RPTOR: variants seen among roughly 807,000 people sequenced by gnomAD.
RPTOR encodes regulatory associated protein of MTOR complex 1.
A neutral mutation model predicts 169.9 loss-of-function variants in RPTOR; 21 were observed. The observed-to-expected ratio is 0.12, with a 90% CI of 0.09 to 0.18. RPTOR has a LOEUF of 0.18. Among genes scored for constraint, RPTOR ranks in the 10% least tolerant of loss-of-function variants. The probability of loss-of-function intolerance (pLI) is 1.00; values close to 1 mark genes in which losing one functional copy is unlikely to be tolerated. For synonymous variants in RPTOR, 732 were observed against 753.2 expected, an observed-to-expected ratio of 0.97 and a Z score of 0.46; for missense variants, 1,133 against 1,855.9, an observed-to-expected ratio of 0.61 and a Z score of 7.16.
intron 5 of RPTOR, among the ~76,000 whole-genome samples, chr17:80,752,087 C>A (rs60240452): frequency 0.019 from 2,840 of 152,342 alleles, 96 homozygotes; most frequent in African/African-American, 0.065. Flanking sequence ...ATCTACATGA[C>A]ATGCCCAGGC....
At chr17:80,698,841 G>C (rs1333449617) in intron 3 of RPTOR, among the ~76,000 whole-genome samples, 1 of 152,222 alleles carries the variant, frequency 6.6e-6, no homozygotes, top group East Asian at 1.9e-4. Context: ...GACTAGTGGT[G>C]CAGCTCTTCA....
At chr17:80,766,845 A>C (rs1182775807) in intron 6 of RPTOR, among the ~76,000 whole-genome samples, 2 of 152,172 alleles carry the variant, frequency 1.3e-5, no homozygotes, top group Non-Finnish European at 2.9e-5. Flanking sequence ...GAAAAAAAAG[A>C]ATACATTAAA....
intron 1 of RPTOR, among the ~76,000 whole-genome samples, chr17:80,546,226 A>G (rs560522736): frequency 6.6e-6 from 1 of 152,336 alleles, no homozygotes; most frequent in Non-Finnish European, 1.5e-5. Flanking sequence ...CTAGGAAATG[A>G]GATTACTGGA....
chr17:80,689,293 G>T (rs940173855), intron 3 of RPTOR, among the ~76,000 whole-genome samples: 1 of 152,174 alleles, frequency 6.6e-6, no homozygotes, highest in Non-Finnish European at 1.5e-5. Context: ...CTTGGAGTCC[G>T]CATGATAAAT....
At position 80,705,240 on chromosome 17, in the gene RPTOR, C is replaced by A. The variant is rs183214050; in HGVS notation, c.349-2601C>A. Reference sequence around the variant, plus strand: ...GTTGGTTAGCTCTCTCTCAAGTCTCCTTCGTGACTCTGCTTTATTTTTCGA... The same window carrying A: ...GTTGGTTAGCTCTCTCTCAAGTCTCATTCGTGACTCTGCTTTATTTTTCGA... On this transcript the variant is annotated intron_variant, in intron 3 of 33. Coordinates refer to ENST00000306801, the MANE Select transcript of RPTOR (RefSeq NM_020761.3). Among the ~76,000 whole-genome samples the A allele has an allele frequency of 1.2e-4, 19 of 152,368 alleles. No homozygotes were observed. In the East Asian group the frequency reaches 3.3e-3, roughly 26 times the overall value.
At chr17:80,800,279 G>T (rs1285641622) in intron 7 of RPTOR, among the ~76,000 whole-genome samples, 4 of 152,188 alleles carry the variant, frequency 2.6e-5, no homozygotes, top group Non-Finnish European at 5.9e-5. Context: ...ACGTGGGGAG[G>T]TTTCGTTCCT....
chr17:80,662,684 G>A (rs2065733913), intron 3 of RPTOR, among the ~76,000 whole-genome samples: 1 of 152,226 alleles, frequency 6.6e-6, no homozygotes, highest in East Asian at 1.9e-4. Context: ...ACCTGGCCAC[G>A]ACTCCCGAGC....
At chr17:80,700,703 GTGGTGA>G (rs2066086946) in intron 3 of RPTOR, among the ~76,000 whole-genome samples, 1 of 113,058 alleles carries the variant, frequency 8.8e-6, no homozygotes, top group African/African-American at 3.6e-5. Flanking sequence ...GGTGATGGTG[GTGGTGA>G]TGGTGGTGGT....
rs369817832 is a variant in RPTOR at position 80,844,778 on chromosome 17, C to T, written c.1213-1695C>T. On this transcript the variant is annotated intron_variant, in intron 10 of 33. Transcript: ENST00000306801. This position sits in a 1 kb window ranked among gnomAD's most constrained non-coding sequence, Gnocchi z 4.7. The stretch of plus-strand genomic sequence containing the variant: ...CGGAGGCACCCTGTCCTGCTCCTGG[C>T]GTTCGCCTGTCCACATGTGTCCACA... Among the ~76,000 whole-genome samples, 47 of 152,312 alleles carry T rather than the reference C, an allele frequency of 3.1e-4. No individual in the cohort carries two copies. In the East Asian group the frequency reaches 8.5e-3, roughly 28 times the overall value.
intron 24 of RPTOR, among the ~76,000 whole-genome samples, chr17:80,932,278 A>G (rs1319557733): frequency 6.6e-6 from 1 of 152,194 alleles, no homozygotes; most frequent in East Asian, 1.9e-4. Context: ...GGCCAAGACA[A>G]GAGGATCACT....
chr17:80,813,805 C>T (rs1232633496), intron 7 of RPTOR, among the ~76,000 whole-genome samples: 1 of 152,186 alleles, frequency 6.6e-6, no homozygotes, highest in Non-Finnish European at 1.5e-5. Context: ...CCTTCTTTAA[C>T]TGAATTTAAT....
Position 80,695,714 on chromosome 17 carries a change from C to T in RPTOR, c.349-12127C>T, listed in dbSNP as rs1352549809. ...GTGTGACTTTTGTATTTATAGACTTCTTCCAAAGGTCACCTCTTTTATTTC... is the reference window on the plus strand; with the variant it reads ...GTGTGACTTTTGTATTTATAGACTTTTTCCAAAGGTCACCTCTTTTATTTC... On this transcript the variant is annotated intron_variant, in intron 3 of 33. Coordinates refer to ENST00000306801, the MANE Select transcript of RPTOR (RefSeq NM_020761.3). The surrounding 1 kb of genome is among the most constrained non-coding windows in gnomAD (Gnocchi z 4.9). 1.3e-5 allele frequency among the ~76,000 whole-genome samples: 2 copies of T among 152,220 alleles called. No individual in the cohort carries two copies. Among genetic ancestry groups the T allele is most frequent in the African/African-American group, 4.8e-5 (2 of 41,456 alleles).
intron 12 of RPTOR, among the ~76,000 whole-genome samples, chr17:80,857,228 G>A (rs762756593): frequency 2.0e-5 from 3 of 152,212 alleles, no homozygotes; most frequent in South Asian, 2.1e-4. Flanking sequence ...AGAACTGGGC[G>A]CCAGTGAGCC....
At chr17:80,930,901 C>A (rs2144012556) in intron 24 of RPTOR, among the ~76,000 whole-genome samples, 1 of 152,372 alleles carries the variant, frequency 6.6e-6, no homozygotes, top group African/African-American at 2.4e-5. Flanking sequence ...GTGCCAGCGC[C>A]TGTCTGGTAA....
At position 80,892,990 on chromosome 17, in the gene RPTOR, TC is replaced by T; in HGVS notation, c.2242+124del. On this transcript the variant is annotated intron_variant, in intron 19 of 33. Transcript: ENST00000306801. ...CTTCGTCTAAGTGCGTGCCCTGAAG[TC>T]CCATCTGCCAACATGGTGATGAGTC... 3 of 1,203,120 alleles carry T rather than the reference TC, an allele frequency of 2.5e-6. No homozygotes were observed. The East Asian group carries it at 7.3e-5, about 29-fold the overall frequency. 74.5% of individuals were successfully genotyped at this position (1,203,120 alleles called of 1,614,324 possible).
chr17:80,739,039 A>G (rs1215674624), intron 5 of RPTOR, among the ~76,000 whole-genome samples: 1 of 147,362 alleles, frequency 6.8e-6, no homozygotes, highest in African/African-American at 2.6e-5. Flanking sequence ...ATTGCTTGAT[A>G]TTCTGGACCA....
chr17:80,935,642 T>C lies in RPTOR; in HGVS notation c.2920-4854T>C, dbSNP rs960141039. Among the ~76,000 whole-genome samples, 3 of 152,126 alleles carry C rather than the reference T, an allele frequency of 2.0e-5. No individual in the cohort carries two copies. The South Asian group carries it at 6.2e-4, about 31-fold the overall frequency. On this transcript the variant is annotated intron_variant, in intron 24 of 33. Coordinates refer to ENST00000306801, the MANE Select transcript of RPTOR (RefSeq NM_020761.3). Reference sequence around the variant, plus strand: ...TTTTCAACCATTGGTACTGGAGCAATTAACAACCAGTTGTCAAAAAAAATA... The same window carrying C: ...TTTTCAACCATTGGTACTGGAGCAACTAACAACCAGTTGTCAAAAAAAATA...
chr17:80,914,438 G>A (rs756151574), intron 21 of RPTOR, among the ~76,000 whole-genome samples: 11 of 152,216 alleles, frequency 7.2e-5, no homozygotes, highest in East Asian at 5.8e-4. Flanking sequence ...GACCAGGAGC[G>A]GGCAGGAGCT....
At chr17:80,628,209 T>C (rs183671648) in intron 2 of RPTOR, among the ~76,000 whole-genome samples, 1 of 152,296 alleles carries the variant, frequency 6.6e-6, no homozygotes, top group East Asian at 1.9e-4. Context: ...ATAATGAATG[T>C]CTTTTATATT....
Sources: allele counts gnomAD v4.1 joint callset (sites outside exome capture counted in the v4.1 genomes callset), GRCh38; gene constraint gnomAD v4.1.1; non-coding constraint Gnocchi (gnomAD v3.1); transcripts MANE v1.5; gene names NCBI Gene and HGNC (gene_info 2026-07-23, HGNC 2026-07-21).